SASH1: variants seen among roughly 807,000 people sequenced by gnomAD.
SASH1 encodes SAM and SH3 domain-containing protein 1.
SASH1 carries 44 observed loss-of-function variants against 125.2 expected under a neutral mutation model. That is an observed-to-expected ratio of 0.35 (90% CI 0.28 to 0.45). The LOEUF (loss-of-function observed/expected upper bound fraction) is 0.45, where lower values mean the gene tolerates loss of function less well. SASH1 is among the 20% of genes least tolerant of loss of function. The pLI is 1.00. For synonymous variants in SASH1, 639 were observed against 649.1 expected, an observed-to-expected ratio of 0.98 and a Z score of 0.24; for missense variants, 1,426 against 1,614.5, an observed-to-expected ratio of 0.88 and a Z score of 2.00.
upstream of SASH1, among the ~76,000 whole-genome samples, chr6:148,338,115 A>T (rs948632440): frequency 1.3e-5 from 2 of 152,188 alleles, no homozygotes; most frequent in African/African-American, 4.8e-5. Context: ...GATACAGATG[A>T]AAAGACTTTT....
At chr6:148,443,329 G>A (rs575855034) in intron 4 of SASH1, among the ~76,000 whole-genome samples, 3 of 146,756 alleles carry the variant, frequency 2.0e-5, no homozygotes, top group South Asian at 2.2e-4. Flanking sequence ...TCGGGGGCCC[G>A]TGATGTCCGT....
In SASH1 at chr6:148,423,228, C is replaced by T. The variant is rs35752716; in HGVS notation, c.286-16956C>T. 1.6e-3 allele frequency among the ~76,000 whole-genome samples: 247 copies of T among 152,324 alleles called. 2 individuals are homozygous for T. The highest frequency in any genetic ancestry group is 2.9e-3 in the Non-Finnish European group (194 of 68,026). ...TTGGGATTACAGGCGTGAGCCACCG[C>T]GCCCAGCCCCATGTGTTTTTTAATG... On this transcript the variant is annotated intron_variant, in intron 2 of 19. Transcript: ENST00000367467.
chr6:148,471,296 G>T, intron 5 of SASH1, 121 bp from the exon 6 acceptor site: 1 of 648,422 alleles, frequency 1.5e-6, no homozygotes, highest in Non-Finnish European at 2.6e-6. Context: ...CTGTCCTTTT[G>T]TGAAATCAAA....
chr6:148,350,767 T>C (rs956793789), intron 1 of SASH1, among the ~76,000 whole-genome samples: 6 of 152,250 alleles, frequency 3.9e-5, no homozygotes, highest in African/African-American at 1.4e-4. Flanking sequence ...AGTGATACCA[T>C]TTAATACCTG....
At chr6:148,485,408 G>A (rs988294792) in intron 7 of SASH1, among the ~76,000 whole-genome samples, 4 of 152,178 alleles carry the variant, frequency 2.6e-5, no homozygotes, top group Admixed American at 2.6e-4. Flanking sequence ...GTTTAAACAT[G>A]TCAAGTTAAT....
chr6:148,409,257 C>T (rs1037224368), intron 2 of SASH1, among the ~76,000 whole-genome samples: 4 of 152,174 alleles, frequency 2.6e-5, no homozygotes, highest in African/African-American at 9.7e-5. Context: ...CCTTGTGCCT[C>T]ACGGTGACTT....
rs1317403460 is a variant in SASH1, at chr6:148,421,157, G to GGAAGGAAGGAAGGAAGA, written c.286-19027_286-19026insGAAGGAAGGAAGGAAGA. On this transcript the variant is annotated intron_variant, in intron 2 of 19. Transcript: ENST00000367467. The stretch of plus-strand genomic sequence containing the variant: ...AGGAAGGAAGGAAGGAAGAAAGAAA[G>GGAAGGAAGGAAGGAAGA]AAAGAAAGAAAGAAAGAAAGAAAGA... 2.4e-4 allele frequency among the ~76,000 whole-genome samples: 20 copies of GGAAGGAAGGAAGGAAGA among 83,706 alleles called. 1 individual carries two copies. Among genetic ancestry groups the GGAAGGAAGGAAGGAAGA allele is most frequent in the Non-Finnish European group, 4.8e-4 (18 of 37,846 alleles). The allele number at this position is 83,706 out of a possible 152,430, so 54.9% of individuals were successfully genotyped here. A position where few individuals can be genotyped will look rare whatever the true frequency, so the allele number is the denominator to read the frequency against.
chr6:148,480,679 A>G (rs926086686), intron 7 of SASH1: 2 of 153,616 alleles, frequency 1.3e-5, no homozygotes, highest in Non-Finnish European at 2.9e-5. Flanking sequence ...TCATTGATGG[A>G]TATTTTCCCA....
In SASH1 at chr6:148,531,560, C is replaced by G; in HGVS notation, c.1463C>G (p.Pro488Arg). ...CTTGATGGAATGCCTGGCTCCCCTC[C>G]GCCTTCACAGCCCGACCCCGAACAC... ...SGLDGMPGSP[P>R]PSQPDPEHLD... Residue 488 changes from proline (P) to arginine (R), a missense_variant, in exon 13 of 20, where the codon CCG (proline) becomes CGG (arginine). This residue lies in a region of SASH1 where 225 missense variants were observed against 344.5 expected (regional missense o/e 0.65). Coordinates refer to ENST00000367467, the MANE Select transcript of SASH1 (RefSeq NM_015278.5). 1 of 1,560,294 alleles carries G rather than the reference C, an allele frequency of 6.4e-7. No homozygotes were observed. Among genetic ancestry groups the G allele is most frequent in the Admixed American group, 1.9e-5 (1 of 53,764 alleles).
intron 1 of SASH1, among the ~76,000 whole-genome samples, chr6:148,319,610 G>C (rs947992995): frequency 2.0e-5 from 3 of 151,958 alleles, no homozygotes; most frequent in African/African-American, 7.3e-5. Context: ...TCCCCTCCCG[G>C]GTTCAAGCAA....
intron 1 of SASH1, among the ~76,000 whole-genome samples, chr6:148,373,084 G>A (rs1171206159): frequency 1.3e-5 from 2 of 151,982 alleles, no homozygotes; most frequent in African/African-American, 4.8e-5. Context: ...CCAGCTACTC[G>A]GGAGGCTGAG....
intron 2 of SASH1, among the ~76,000 whole-genome samples, chr6:148,430,458 A>C (rs555119030): frequency 6.6e-6 from 1 of 152,050 alleles, no homozygotes; most frequent in African/African-American, 2.4e-5. Flanking sequence ...TGGCCTCCCA[A>C]GTAGCTGGGA....
intron 2 of SASH1, among the ~76,000 whole-genome samples, chr6:148,420,988 G>A (rs979305570): frequency 1.3e-5 from 2 of 151,902 alleles, no homozygotes; most frequent in Non-Finnish European, 2.9e-5. Context: ...GGTGGCTGAG[G>A]CAGGAGAATC....
intron 4 of SASH1, among the ~76,000 whole-genome samples, chr6:148,464,083 C>G (rs1341034741): frequency 1.3e-5 from 2 of 152,122 alleles, no homozygotes; most frequent in Admixed American, 6.5e-5. Context: ...GGAAAGAAAC[C>G]AGTTCTGGGG....
At chr6:148,482,830 A>G (rs1358041900) in intron 7 of SASH1, among the ~76,000 whole-genome samples, 1 of 151,982 alleles carries the variant, frequency 6.6e-6, no homozygotes, top group African/African-American at 2.4e-5. Flanking sequence ...CTGGGACTAC[A>G]GGCACGTGCC....
At chr6:148,286,328 G>A (rs2128507287) in intron 1 of SASH1, among the ~76,000 whole-genome samples, 1 of 152,082 alleles carries the variant, frequency 6.6e-6, no homozygotes. Context: ...TTGAACCTGG[G>A]AGGCGGAGGT....
chr6:148,430,434 C>T (rs778003830), intron 2 of SASH1, among the ~76,000 whole-genome samples: 3 of 152,196 alleles, frequency 2.0e-5, no homozygotes, highest in Non-Finnish European at 2.9e-5. Context: ...TGGGTTCAAG[C>T]GATTCTCCTG....
At chr6:148,448,144 G>GTGTGTA (rs1776897970) in intron 4 of SASH1, among the ~76,000 whole-genome samples, 1 of 150,948 alleles carries the variant, frequency 6.6e-6, no homozygotes, top group Non-Finnish European at 1.5e-5. Flanking sequence ...GTGTGTATGT[G>GTGTGTA]TGTGTGTGCG....
At chr6:148,516,264 C>T (rs938342403) in intron 9 of SASH1, among the ~76,000 whole-genome samples, 1 of 151,240 alleles carries the variant, frequency 6.6e-6, no homozygotes. Flanking sequence ...GCTGAGTTGC[C>T]GTTGGCCAAT....
Sources: gnomAD v4.1 joint callset for allele counts (sites outside exome capture counted in the v4.1 genomes callset) on GRCh38, gnomAD v4.1.1 for gene constraint, gnomAD v4.1.1 regional missense constraint, MANE v1.5 for transcripts, NCBI Gene and HGNC (gene_info 2026-07-23, HGNC 2026-07-21) for gene names.